Variants in DYNC2H1 observed in about 807,000 individuals in gnomAD.
DYNC2H1 encodes the protein cytoplasmic dynein 2 heavy chain 1.
Under a neutral mutation model 570.0 loss-of-function variants are expected in DYNC2H1, and 410 were observed. That is an observed-to-expected ratio of 0.72 (90% CI 0.66 to 0.78). The LOEUF (loss-of-function observed/expected upper bound fraction) is 0.78, where lower values mean the gene tolerates loss of function less well. DYNC2H1 is among the 30% of genes least tolerant of loss of function. DYNC2H1 has a pLI of 0.00. For missense variants in DYNC2H1, 4,865 were observed against 5,046.4 expected, an observed-to-expected ratio of 0.96 and a Z score of 1.09; for synonymous variants, 1,688 against 1,677.6, an observed-to-expected ratio of 1.01 and a Z score of -0.15.
chr11:103,191,642 TTGTG>T (rs146014868), intron 46 of DYNC2H1, 23 bp downstream of exon 46: 101 of 1,367,438 alleles, frequency 7.4e-5, no homozygotes, highest in South Asian at 1.1e-4. Flanking sequence ...AGTGTGTATC[TTGTG>T]TGTGTGTGTG....
chr11:103,176,453 T>C lies in DYNC2H1; in HGVS notation c.5874+19T>C. ...CAATCAGGTAACTGTCAAGAATATT[T>C]TATAATAGATTGATCCCTTTTCCTA... On this transcript the variant is annotated intron_variant, in intron 37 of 88. Coordinates refer to ENST00000375735, the MANE Select transcript of DYNC2H1 (RefSeq NM_001377.3). 9.0e-6 allele frequency: 13 copies of C among 1,443,154 alleles called. No individual in the cohort carries two copies. Among genetic ancestry groups the C allele is most frequent in the Admixed American group, 2.9e-5 (1 of 34,520 alleles). The allele number at this position is 1,443,154 out of a possible 1,614,324, so 89.4% of individuals were successfully genotyped here. A position where few individuals can be genotyped will look rare whatever the true frequency, so the allele number is the denominator to read the frequency against.
rs760462246 is a variant in DYNC2H1, at chr11:103,133,770, A to C, written c.2106+63A>C. ...ATATTATTTAAAAAGTCATTAAGAT[A>C]CAATTTTTAAAAACTTATTTTGAAA... On this transcript the variant is annotated intron_variant, in intron 14 of 88. Coordinates refer to ENST00000375735, the MANE Select transcript of DYNC2H1 (RefSeq NM_001377.3). This position sits in a 1 kb window ranked among gnomAD's most constrained non-coding sequence, Gnocchi z 4.8. 6.5e-5 allele frequency: 93 copies of C among 1,436,552 alleles called. No homozygotes were observed. The Middle Eastern group carries it at 5.6e-3, about 86-fold the overall frequency. The allele number at this position is 1,436,552 out of a possible 1,614,324, so 89.0% of individuals were successfully genotyped here.
At chr11:103,233,495 G>C (rs79288815) in intron 60 of DYNC2H1, among the ~76,000 whole-genome samples, 4,056 of 151,914 alleles carry the variant, frequency 0.027, 181 homozygotes, top group African/African-American at 0.091. Context: ...GTACTAAAAT[G>C]AATTTTGAAA....
chr11:103,305,124 T>C lies in DYNC2H1; in HGVS notation c.11382+404T>C, dbSNP rs1867224590. On this transcript the variant is annotated intron_variant, in intron 77 of 88. Coordinates refer to ENST00000375735, the MANE Select transcript of DYNC2H1 (RefSeq NM_001377.3). This position sits in a 1 kb window ranked among gnomAD's most constrained non-coding sequence, Gnocchi z 4.3. ...GAATAAACTGAAGCAAATGTTTCGT[T>C]TATCTCAAATGGACTCAGGAGAAAA... Among the ~76,000 whole-genome samples, 1 of 152,156 alleles carries C rather than the reference T, an allele frequency of 6.6e-6. No individual in the cohort carries two copies. The highest frequency in any genetic ancestry group is 6.6e-5 in the Admixed American group (1 of 15,260).
intron 83 of DYNC2H1, among the ~76,000 whole-genome samples, chr11:103,384,590 T>C (rs926205617): frequency 6.6e-6 from 1 of 152,196 alleles, no homozygotes; most frequent in African/African-American, 2.4e-5. Context: ...TTTTTTACTT[T>C]TTAGTTGGTA....
chr11:103,400,280 C>A (rs745308196), intron 84 of DYNC2H1, among the ~76,000 whole-genome samples: 1 of 143,560 alleles, frequency 7.0e-6, no homozygotes, highest in Non-Finnish European at 1.5e-5. Flanking sequence ...TTGGCTCATG[C>A]GTTATGCCTA....
rs1865862540 is a variant in DYNC2H1, at chr11:103,275,197, G to C, written c.10696-5151G>C. On this transcript the variant is annotated intron_variant, in intron 70 of 88. Transcript: ENST00000375735. The surrounding 1 kb of genome is among the most constrained non-coding windows in gnomAD (Gnocchi z 4.8). ...TTTTTAAAGTAGGGTTTATTTTTTA[G>C]AGCAGTTGTAGGTTCATGGCAAAAT... Among the ~76,000 whole-genome samples the C allele has an allele frequency of 1.3e-5, 2 of 152,092 alleles. No homozygotes were observed. The highest frequency in any genetic ancestry group is 4.8e-5 in the African/African-American group (2 of 41,406).
chr11:103,348,606 C>T (rs1939878125), intron 82 of DYNC2H1, among the ~76,000 whole-genome samples: 1 of 152,132 alleles, frequency 6.6e-6, no homozygotes. Flanking sequence ...TCATAAGATT[C>T]ATCTGTGTTA....
chr11:103,405,201 G>A (rs1441963888), intron 84 of DYNC2H1: 3 of 151,886 alleles, frequency 2.0e-5, no homozygotes, highest in Non-Finnish European at 2.9e-5. Flanking sequence ...AAAAAAAGTA[G>A]TATTGAGGTT....
At chr11:103,296,023 C>G (rs1207053375) in intron 75 of DYNC2H1, among the ~76,000 whole-genome samples, 2 of 152,190 alleles carry the variant, frequency 1.3e-5, no homozygotes, top group Non-Finnish European at 2.9e-5. Flanking sequence ...CAAAGTCACA[C>G]TCACTTTCCT....
chr11:103,203,596 TA>T lies in DYNC2H1; in HGVS notation c.8198-64del, dbSNP rs1458502439. The T allele has an allele frequency of 1.1e-5, 12 of 1,055,074 alleles. No homozygotes were observed. The highest frequency in any genetic ancestry group is 2.7e-5 in the Admixed American group (1 of 37,498). The allele number at this position is 1,055,074 out of a possible 1,614,324, so 65.4% of individuals were successfully genotyped here. On this transcript the variant is annotated intron_variant, in intron 50 of 88. Transcript: ENST00000375735. This position sits in a 1 kb window ranked among gnomAD's most constrained non-coding sequence, Gnocchi z 4.7. ...TAAAGATTGAATAAGAGCAGATTTT[TA>T]AATACAAAAATTGAAAAAGCATCAT...
At chr11:103,423,635 C>T (rs954207516) in intron 84 of DYNC2H1, among the ~76,000 whole-genome samples, 1 of 151,714 alleles carries the variant, frequency 6.6e-6, no homozygotes, top group Non-Finnish European at 1.5e-5. Context: ...TTAAAAGACA[C>T]TTATAAAAAT....
intron 57 of DYNC2H1, among the ~76,000 whole-genome samples, chr11:103,221,605 C>T (rs1170624765): frequency 6.6e-6 from 1 of 152,178 alleles, no homozygotes; most frequent in Non-Finnish European, 1.5e-5. Flanking sequence ...CTGGGCACAC[C>T]TGTAATCCCA....
At chr11:103,456,243 TG>T in intron 86 of DYNC2H1, 31 bp from the exon 87 acceptor site, 1 of 1,545,120 alleles carries the variant, frequency 6.5e-7, no homozygotes, top group East Asian at 2.3e-5. Flanking sequence ...TAAGGATTAT[TG>T]ATTTGTGACT....
At chr11:103,194,899 G>A (rs1862460985) in intron 47 of DYNC2H1, among the ~76,000 whole-genome samples, 2 of 151,770 alleles carry the variant, frequency 1.3e-5, no homozygotes, top group African/African-American at 4.8e-5. Context: ...TGTATTTTTA[G>A]TAGAGACGCG....
intron 85 of DYNC2H1, among the ~76,000 whole-genome samples, chr11:103,440,154 A>T (rs763009631): frequency 3.3e-5 from 5 of 152,064 alleles, no homozygotes; most frequent in Non-Finnish European, 5.9e-5. Context: ...TCATGTGTTG[A>T]TTTCTATATC....
chr11:103,200,234 T>G (rs1387489764), intron 50 of DYNC2H1, 80 bp downstream of exon 50: 3 of 1,126,878 alleles, frequency 2.7e-6, no homozygotes, highest in Non-Finnish European at 3.8e-6. Flanking sequence ...TGTGCAAAAT[T>G]TATTTGTTTT....
chr11:103,185,026 A>C lies in DYNC2H1; in HGVS notation c.6608A>C (p.Lys2203Thr). The C allele has an allele frequency of 6.2e-7, 1 of 1,609,496 alleles. No individual in the cohort carries two copies. Among genetic ancestry groups the C allele is most frequent in the Non-Finnish European group, 8.5e-7 (1 of 1,177,052 alleles). ...IRGLGGNLNM[K>T]SRLEFTKEVF... ...GGACTTGGTGGAAATCTGAATATGA[A>C]GTCACGTTTGGAATTTACCAAAGAG... Residue 2203 changes from lysine (K) to threonine (T), a missense_variant, in exon 41 of 89, where the codon AAG (lysine) becomes ACG (threonine). This residue lies in a region of DYNC2H1 where 231 missense variants were observed against 310.3 expected (regional missense o/e 0.74). Coordinates refer to ENST00000375735, the MANE Select transcript of DYNC2H1 (RefSeq NM_001377.3). This position sits in a 1 kb window ranked among gnomAD's most constrained non-coding sequence, Gnocchi z 4.5.
At chr11:103,393,858 A>G (rs1416468013) in intron 83 of DYNC2H1, among the ~76,000 whole-genome samples, 2 of 152,194 alleles carry the variant, frequency 1.3e-5, no homozygotes, top group Admixed American at 1.3e-4. Flanking sequence ...CGGGCAGGCA[A>G]AGAGAGAGAG....
Sources: allele counts gnomAD v4.1 joint callset (sites outside exome capture counted in the v4.1 genomes callset), GRCh38; gene constraint gnomAD v4.1.1; regional missense constraint gnomAD v4.1.1; non-coding constraint Gnocchi (gnomAD v3.1); transcripts MANE v1.5; gene names NCBI Gene and HGNC (gene_info 2026-07-23, HGNC 2026-07-21).